The following ZNRF1 variants were observed in gnomAD, a reference collection of about 807,000 sequenced individuals.
The protein encoded by ZNRF1 is zinc and ring finger 1, also known as E3 ubiquitin-protein ligase ZNRF1.
Under a neutral mutation model 18.4 loss-of-function variants are expected in ZNRF1, and 3 were observed. The observed-to-expected ratio is 0.16, with a 90% CI of 0.07 to 0.42. ZNRF1 has a LOEUF of 0.42. Among genes scored for constraint, ZNRF1 ranks in the 10% least tolerant of loss-of-function variants. The pLI is 0.99. For synonymous variants in ZNRF1, 157 were observed against 144.2 expected (o/e 1.09, Z -0.64); for missense variants, 310 against 329.8 (o/e 0.94, Z 0.47).
At chr16:75,063,888 C>T (rs2035771109) in intron 1 of ZNRF1, among the ~76,000 whole-genome samples, 1 of 152,184 alleles carries the variant, frequency 6.6e-6, no homozygotes, top group Admixed American at 6.5e-5. Context: ...GTGTATCTGC[C>T]CCCCTCATGC....
At position 75,108,967 on chromosome 16, in the gene ZNRF1, TG is replaced by T. The variant is rs2036348766; in HGVS notation, c.*1268del. 6.1e-6 allele frequency: 1 copy of T among 164,448 alleles called. No homozygotes were observed. The highest frequency in any genetic ancestry group is 1.3e-5 in the Non-Finnish European group (1 of 76,460). 10.2% of individuals were successfully genotyped at this position (164,448 alleles called of 1,614,324 possible). On this transcript the variant is annotated 3_prime_UTR_variant, in exon 5 of 5. Coordinates refer to ENST00000335325, the MANE Select transcript of ZNRF1 (RefSeq NM_032268.5). ...CTGTGGAGTCATTGTGCTGGACCTCTGAAAAGATCTGCAGGGGCCAAGATGT... is the reference window on the plus strand; with the variant it reads ...CTGTGGAGTCATTGTGCTGGACCTCTAAAAGATCTGCAGGGGCCAAGATGT...
intron 1 of ZNRF1, among the ~76,000 whole-genome samples, chr16:75,083,510 A>C: frequency 6.6e-6 from 1 of 152,236 alleles, no homozygotes; most frequent in East Asian, 1.9e-4. Flanking sequence ...ATCACTACTA[A>C]GAGGATCTTT....
chr16:75,042,280 A>G (rs144219376), intron 1 of ZNRF1, among the ~76,000 whole-genome samples: 1 of 152,168 alleles, frequency 6.6e-6, no homozygotes, highest in African/African-American at 2.4e-5. Flanking sequence ...GCTTTTATGA[A>G]TGATGCTTTT....
At chr16:75,008,090 G>T (rs922950779) in intron 1 of ZNRF1, among the ~76,000 whole-genome samples, 3 of 151,874 alleles carry the variant, frequency 2.0e-5, no homozygotes, top group African/African-American at 7.3e-5. Context: ...TGTTGCCCAG[G>T]CTGGTCTTGA....
chr16:75,031,968 T>G (rs1226600202), intron 1 of ZNRF1, among the ~76,000 whole-genome samples: 1 of 152,168 alleles, frequency 6.6e-6, no homozygotes, highest in East Asian at 1.9e-4. Flanking sequence ...CAACAGTATA[T>G]AAGGGTTCTG....
At chr16:75,043,474 T>C (rs2035474881) in intron 1 of ZNRF1, among the ~76,000 whole-genome samples, 1 of 152,236 alleles carries the variant, frequency 6.6e-6, no homozygotes, top group Non-Finnish European at 1.5e-5. Context: ...AACTGTACAG[T>C]TCTTATCTTC....
At chr16:75,103,586 A>G (rs2036277227) in intron 2 of ZNRF1, among the ~76,000 whole-genome samples, 1 of 152,174 alleles carries the variant, frequency 6.6e-6, no homozygotes, top group Non-Finnish European at 1.5e-5. Flanking sequence ...GACATCTGCC[A>G]TACAACATAG....
chr16:75,009,936 T>G (rs2034972062), intron 1 of ZNRF1, among the ~76,000 whole-genome samples: 1 of 37,266 alleles, frequency 2.7e-5, no homozygotes, highest in African/African-American at 5.2e-5. Context: ...TTGTATATCT[T>G]TTTTGGAGAA....
chr16:75,059,214 TTTCC>T (rs2145384714), intron 1 of ZNRF1, among the ~76,000 whole-genome samples: 1 of 150,508 alleles, frequency 6.6e-6, no homozygotes, highest in African/African-American at 2.4e-5. Context: ...TCCTTCCTTC[TTTCC>T]TTCTTTCTTT....
intron 1 of ZNRF1, among the ~76,000 whole-genome samples, 195 bp from the exon 2 acceptor site, chr16:75,093,377 T>G (rs2036162726): frequency 6.7e-6 from 1 of 149,358 alleles, no homozygotes; most frequent in Non-Finnish European, 1.5e-5. Flanking sequence ...AGAGTGAGAC[T>G]TCGTCTCAAA....
Position 74,999,707 on chromosome 16 carries a change from G to C in ZNRF1, c.36G>C (p.Arg12=), listed in dbSNP as rs557791182. 2.0e-3 allele frequency: 2,662 copies of C among 1,364,322 alleles called. 5 individuals are homozygous for C. Among genetic ancestry groups the C allele is most frequent in the Non-Finnish European group, 2.2e-3 (2,314 of 1,064,880 alleles). The allele number at this position is 1,364,322 out of a possible 1,614,324, so 84.5% of individuals were successfully genotyped here. The change falls in exon 1 of 5, where the codon CGG becomes CGC. Residue 12 remains arginine, a synonymous_variant. Coordinates refer to ENST00000335325, the MANE Select transcript of ZNRF1 (RefSeq NM_032268.5). ...GGKQSTAARS[R]GPFPGVSTDD... Reference sequence around the variant, plus strand: ...AGCAGAGCACGGCGGCCCGCTCCCGGGGCCCCTTCCCGGGGGTCTCCACCG... The same window carrying C: ...AGCAGAGCACGGCGGCCCGCTCCCGCGGCCCCTTCCCGGGGGTCTCCACCG...
chr16:75,103,809 A>C (rs1597912471), intron 2 of ZNRF1, among the ~76,000 whole-genome samples: 2 of 151,958 alleles, frequency 1.3e-5, no homozygotes, highest in Non-Finnish European at 2.9e-5. Context: ...ACATGGTGAA[A>C]CCCCGTCTCT....
chr16:75,000,211 C>T (rs1219198246), intron 1 of ZNRF1, 116 bp downstream of exon 1: 2 of 1,412,744 alleles, frequency 1.4e-6, no homozygotes, highest in Non-Finnish European at 1.9e-6. Flanking sequence ...TCTGCATTCC[C>T]TTTGGTTCCC....
chr16:75,034,207 G>A (rs1187365126), intron 1 of ZNRF1, among the ~76,000 whole-genome samples: 4 of 152,134 alleles, frequency 2.6e-5, no homozygotes, highest in Non-Finnish European at 5.9e-5. Flanking sequence ...GTACAGTTCA[G>A]TAGTGTTAAA....
intron 1 of ZNRF1, among the ~76,000 whole-genome samples, chr16:75,091,544 T>C (rs1443231353): frequency 6.7e-6 from 1 of 149,990 alleles, no homozygotes; most frequent in African/African-American, 2.4e-5. Flanking sequence ...TTTTTTTTTT[T>C]TTTTTTGAGA....
intron 2 of ZNRF1, among the ~76,000 whole-genome samples, chr16:75,100,546 T>C (rs1464961854): frequency 6.6e-6 from 1 of 152,166 alleles, no homozygotes; most frequent in Non-Finnish European, 1.5e-5. Context: ...TGTGCCCTCC[T>C]GGAGCTGACA....
At chr16:75,011,594 A>G (rs968694621) in intron 1 of ZNRF1, among the ~76,000 whole-genome samples, 2 of 152,144 alleles carry the variant, frequency 1.3e-5, no homozygotes, top group Admixed American at 6.5e-5. Context: ...ACCCATGTAC[A>G]TCCTATATTA....
intron 1 of ZNRF1, among the ~76,000 whole-genome samples, chr16:75,071,828 C>T (rs954902055): frequency 2.0e-5 from 3 of 152,170 alleles, no homozygotes; most frequent in African/African-American, 7.2e-5. Flanking sequence ...AAACAATAAT[C>T]TCCCTGTCAC....
intron 1 of ZNRF1, among the ~76,000 whole-genome samples, chr16:75,078,355 A>G (rs1052645299): frequency 1.3e-4 from 18 of 142,546 alleles, no homozygotes; most frequent in South Asian, 2.2e-4. Context: ...CTGGAGTGCA[A>G]TGGCGCAATC....
Sources: allele counts gnomAD v4.1 joint callset (sites outside exome capture counted in the v4.1 genomes callset), GRCh38; gene constraint gnomAD v4.1.1; transcripts MANE v1.5; gene names NCBI Gene and HGNC (gene_info 2026-07-23, HGNC 2026-07-21).